Variants in SGCD observed in about 807,000 individuals in gnomAD.
SGCD encodes the protein sarcoglycan delta, also known as delta-sarcoglycan.
A neutral mutation model predicts 36.6 loss-of-function variants in SGCD; 18 were observed. That is an observed-to-expected ratio of 0.49 (90% CI 0.34 to 0.73). The LOEUF is 0.73. Ranked by LOEUF, SGCD falls within the 30% of genes least tolerant of loss-of-function variation. The probability of loss-of-function intolerance (pLI) is 0.01; values close to 1 mark genes in which losing one functional copy is unlikely to be tolerated. For missense variants in SGCD, 387 were observed against 346.7 expected, an observed-to-expected ratio of 1.12 and a Z score of -0.92; for synonymous variants, 133 against 130.6, an observed-to-expected ratio of 1.02 and a Z score of -0.12.
intron 1 of SGCD, among the ~76,000 whole-genome samples, chr5:156,098,277 C>A (rs530453222): frequency 3.6e-4 from 54 of 152,088 alleles, no homozygotes; most frequent in Non-Finnish European, 5.7e-4. Context: ...CTATTTCTGT[C>A]CAAATGTCTT....
chr5:156,461,910 C>A (rs1207501244), intron 3 of SGCD, among the ~76,000 whole-genome samples: 1 of 152,076 alleles, frequency 6.6e-6, no homozygotes, highest in Non-Finnish European at 1.5e-5. Context: ...AAAGTTTGGA[C>A]CCTAATTGTA....
At chr5:156,346,925 G>A (rs537068130) in intron 3 of SGCD, among the ~76,000 whole-genome samples, 1 of 152,130 alleles carries the variant, frequency 6.6e-6, no homozygotes, top group African/African-American at 2.4e-5. Flanking sequence ...AGCCTCCCGA[G>A]TAGCTGGGAC....
At chr5:156,596,489 A>T (rs1044156315) in intron 6 of SGCD, among the ~76,000 whole-genome samples, 1 of 152,192 alleles carries the variant, frequency 6.6e-6, no homozygotes, top group Non-Finnish European at 1.5e-5. Context: ...AGTGTCCAAT[A>T]AGTGCTAGGT....
chr5:156,716,279 C>T (rs75515089), intron 7 of SGCD, among the ~76,000 whole-genome samples: 2 of 152,192 alleles, frequency 1.3e-5, no homozygotes, highest in African/African-American at 4.8e-5. Flanking sequence ...CATTATTTTA[C>T]TCAAACCTCA....
intron 3 of SGCD, among the ~76,000 whole-genome samples, chr5:156,506,986 T>C (rs1756729496): frequency 6.6e-6 from 1 of 152,182 alleles, no homozygotes; most frequent in Admixed American, 6.6e-5. Context: ...AAAGACTACA[T>C]TGGCTGATAA....
the SGCD span, among the ~76,000 whole-genome samples, chr5:155,852,732 T>C: frequency 1.3e-5 from 2 of 152,286 alleles, no homozygotes; most frequent in East Asian, 3.9e-4. Context: ...TTCATTCTTT[T>C]AACGTGGCGG....
At chr5:156,588,055 A>T (rs540931292) in intron 4 of SGCD, among the ~76,000 whole-genome samples, 55 of 151,946 alleles carry the variant, frequency 3.6e-4, no homozygotes, top group African/African-American at 1.3e-3. Flanking sequence ...ATAGTGACAA[A>T]GGTTCCAAAA....
chr5:156,759,019 T>C (rs776019795), intron 8 of SGCD, among the ~76,000 whole-genome samples, 198 bp from the exon 9 acceptor site: 4 of 152,238 alleles, frequency 2.6e-5, no homozygotes, highest in Non-Finnish European at 4.4e-5. Context: ...AGCATTATCT[T>C]GCTAGAATCT....
At chr5:156,567,428 AGATG>A (rs762401980) in intron 4 of SGCD, among the ~76,000 whole-genome samples, 7,818 of 98,284 alleles carry the variant, frequency 0.08, 277 homozygotes, top group Non-Finnish European at 0.12. Flanking sequence ...ATAGATAGAT[AGATG>A]GTAGCTCATG....
intron 7 of SGCD, among the ~76,000 whole-genome samples, chr5:156,695,482 TCGA>T (rs1754273641): frequency 2.8e-5 from 4 of 142,746 alleles, no homozygotes; most frequent in African/African-American, 1.1e-4. Flanking sequence ...TCAACCTCTC[TCGA>T]TAGATAGATA....
At chr5:156,618,451 TAA>T (rs1426874112) in intron 6 of SGCD, among the ~76,000 whole-genome samples, 1 of 151,926 alleles carries the variant, frequency 6.6e-6, no homozygotes, top group Admixed American at 6.6e-5. Context: ...AAGCCAAATA[TAA>T]AAGTCTCAGA....
At chr5:155,855,997 G>T in the SGCD span, among the ~76,000 whole-genome samples, 1 of 152,116 alleles carries the variant, frequency 6.6e-6, no homozygotes, top group East Asian at 1.9e-4. Context: ...TCCCAAACTT[G>T]TACAGATGGA....
intron 4 of SGCD, among the ~76,000 whole-genome samples, chr5:156,545,258 TAC>T (rs1758522926): frequency 6.6e-6 from 1 of 152,050 alleles, no homozygotes; most frequent in African/African-American, 2.4e-5. Context: ...TTTTTTTCAA[TAC>T]AGTGAAAGGA....
intron 3 of SGCD, among the ~76,000 whole-genome samples, chr5:156,353,712 T>C (rs1469850537): frequency 6.6e-6 from 1 of 152,232 alleles, no homozygotes; most frequent in Non-Finnish European, 1.5e-5. Flanking sequence ...TGGTCACTTT[T>C]AATCCATTAG....
intron 3 of SGCD, among the ~76,000 whole-genome samples, chr5:156,205,755 A>G (rs1457641555): frequency 3.3e-5 from 5 of 151,914 alleles, no homozygotes; most frequent in African/African-American, 9.7e-5. Flanking sequence ...GTTAACATCA[A>G]TAGTCCTAAT....
chr5:156,757,491 T>C (rs1458542871), intron 7 of SGCD, 90 bp from the exon 8 acceptor site: 1 of 811,252 alleles, frequency 1.2e-6, no homozygotes, highest in Non-Finnish European at 1.9e-6. Context: ...AATACTGGAA[T>C]GCTTTGTTAA....
At chr5:156,524,305 A>C (rs938128373) in intron 4 of SGCD, among the ~76,000 whole-genome samples, 3 of 142,602 alleles carry the variant, frequency 2.1e-5, no homozygotes, top group African/African-American at 7.8e-5. Context: ...ATATATATAT[A>C]TCATCATGCA....
At chr5:155,750,541 AAC>A in the SGCD span, among the ~76,000 whole-genome samples, 2 of 152,226 alleles carry the variant, frequency 1.3e-5, no homozygotes, top group African/African-American at 4.8e-5. Flanking sequence ...GTATATGAAG[AAC>A]CAGATTTCTC....
intron 1 of SGCD, among the ~76,000 whole-genome samples, chr5:155,975,519 G>A (rs1044181033): frequency 1.5e-5 from 2 of 131,176 alleles, no homozygotes; most frequent in Non-Finnish European, 3.2e-5. Context: ...GAGTTTACTT[G>A]TTTGTTTTTA....
Sources: allele counts gnomAD v4.1 joint callset (sites outside exome capture counted in the v4.1 genomes callset), GRCh38; gene constraint gnomAD v4.1.1; transcripts MANE v1.5; gene names NCBI Gene and HGNC (gene_info 2026-07-23, HGNC 2026-07-21).